The following DCC variants were observed in gnomAD, a reference collection of about 807,000 sequenced individuals.
DCC encodes netrin receptor DCC.
DCC carries 58 observed loss-of-function variants against 172.5 expected under a neutral mutation model. The observed-to-expected ratio is 0.34, with a 90% CI of 0.27 to 0.42. The LOEUF is 0.42. DCC is among the 10% of genes least tolerant of loss of function. DCC has a pLI of 1.00. For synonymous variants in DCC, 709 were observed against 644.5 expected, an observed-to-expected ratio of 1.10 and a Z score of -1.52; for missense variants, 1,740 against 1,791.0, an observed-to-expected ratio of 0.97 and a Z score of 0.51.
intron 15 of DCC, among the ~76,000 whole-genome samples, chr18:53,375,949 T>C (rs1023276427): frequency 6.6e-6 from 1 of 152,096 alleles, no homozygotes; most frequent in African/African-American, 2.4e-5. Flanking sequence ...GGAGAAAACC[T>C]GAACTTAAAA....
intron 5 of DCC, chr18:52,941,303 G>A (rs1179813407): frequency 6.6e-6 from 1 of 152,076 alleles, no homozygotes. Flanking sequence ...TATGGAAGAT[G>A]AGATTCCAAA....
intron 28 of DCC, among the ~76,000 whole-genome samples, chr18:53,529,803 A>G (rs2144633499): frequency 6.6e-6 from 1 of 152,324 alleles, no homozygotes; most frequent in East Asian, 1.9e-4. Flanking sequence ...GTAACTAGTA[A>G]TTCTATTACT....
rs578248723 is a variant in DCC, at chr18:53,218,397, G to A, written c.1911+2800G>A. Among the ~76,000 whole-genome samples the A allele has an allele frequency of 1.2e-4, 19 of 152,142 alleles. 1 individual carries two copies. Among genetic ancestry groups the A allele is most frequent in the South Asian group, 2.1e-4 (1 of 4,824 alleles). Reference sequence around the variant, plus strand: ...GTACTCGTTAAGGTTTTGGTCACCCGTAAGCCAGTTGGACCCAGAAATCAT... The same window carrying A: ...GTACTCGTTAAGGTTTTGGTCACCCATAAGCCAGTTGGACCCAGAAATCAT... On this transcript the variant is annotated intron_variant, in intron 12 of 28. Transcript: ENST00000442544.
intron 26 of DCC, among the ~76,000 whole-genome samples, chr18:53,491,258 G>A (rs919202624): frequency 6.6e-6 from 1 of 152,078 alleles, no homozygotes; most frequent in Non-Finnish European, 1.5e-5. Context: ...ATTCAGTGGC[G>A]TAATCAGAAT....
chr18:52,904,183 A>G (rs573413232), intron 2 of DCC, among the ~76,000 whole-genome samples: 137 of 152,336 alleles, frequency 9.0e-4, no homozygotes, highest in African/African-American at 3.1e-3. Context: ...ATTTGCATCA[A>G]TATTAAGGTT....
rs142981576 is a variant in DCC at position 52,812,052 on chromosome 18, G to A, written c.412+59678G>A. Among the ~76,000 whole-genome samples, 306 of 152,314 alleles carry A rather than the reference G, an allele frequency of 2.0e-3. 3 individuals are homozygous for A. The East Asian group carries it at 0.024, about 12-fold the overall frequency. On this transcript the variant is annotated intron_variant, in intron 2 of 28. Coordinates refer to ENST00000442544, the MANE Select transcript of DCC (RefSeq NM_005215.4). ...CCAGCATGGTCCATGAAAGTGGTTTGAGAAGAAAAATAATCTGGTTTTCAT... is the reference window on the plus strand; with the variant it reads ...CCAGCATGGTCCATGAAAGTGGTTTAAGAAGAAAAATAATCTGGTTTTCAT...
At chr18:53,001,167 C>A (rs552666789) in intron 5 of DCC, among the ~76,000 whole-genome samples, 94 of 152,030 alleles carry the variant, frequency 6.2e-4, no homozygotes, top group Non-Finnish European at 6.9e-4. Context: ...ATTAATCACG[C>A]TTTTATCCCT....
At chr18:53,121,143 T>C (rs2043477986) in intron 7 of DCC, among the ~76,000 whole-genome samples, 1 of 151,872 alleles carries the variant, frequency 6.6e-6, no homozygotes, top group Non-Finnish European at 1.5e-5. Flanking sequence ...GTTCATTTGT[T>C]CTATCCATGA....
At chr18:53,330,821 T>C (rs1032960705) in intron 14 of DCC, among the ~76,000 whole-genome samples, 2 of 152,250 alleles carry the variant, frequency 1.3e-5, no homozygotes, top group Admixed American at 1.3e-4. Flanking sequence ...TTCTCTTATC[T>C]GAGTTTCACT....
chr18:53,526,601 G>GTGTT lies in DCC; in HGVS notation c.4112-14_4112-11dup. On this transcript the variant is annotated splice_polypyrimidine_tract_variant and intron_variant, in intron 27 of 28. Coordinates refer to ENST00000442544, the MANE Select transcript of DCC (RefSeq NM_005215.4). ...TGTTTTCTACATTACTTTCATCACT[G>GTGTT]TGTTTTCTATTTCAGGGCCCACTCT... 6.2e-7 allele frequency: 1 copy of GTGTT among 1,612,902 alleles called. No individual in the cohort carries two copies. The highest frequency in any genetic ancestry group is 8.5e-7 in the Non-Finnish European group (1 of 1,179,174).
chr18:52,964,062 A>G (rs966808257), intron 5 of DCC, among the ~76,000 whole-genome samples: 22 of 152,156 alleles, frequency 1.4e-4, no homozygotes, highest in African/African-American at 3.4e-4. Flanking sequence ...TCTTGATATG[A>G]TATGATAAGT....
intron 15 of DCC, among the ~76,000 whole-genome samples, chr18:53,378,016 C>G (rs1463563719): frequency 6.6e-6 from 1 of 152,078 alleles, no homozygotes; most frequent in Non-Finnish European, 1.5e-5. Flanking sequence ...TGCTGGAGTG[C>G]AGTGGCGCAA....
intron 15 of DCC, among the ~76,000 whole-genome samples, chr18:53,357,068 C>T (rs1251983765): frequency 6.6e-6 from 1 of 152,134 alleles, no homozygotes; most frequent in South Asian, 2.1e-4. Flanking sequence ...GGGATACATC[C>T]ACTCCCTATT....
chr18:52,559,432 T>C (rs2032988392), intron 1 of DCC, among the ~76,000 whole-genome samples: 2 of 152,194 alleles, frequency 1.3e-5, no homozygotes, highest in Non-Finnish European at 2.9e-5. Context: ...ATTTGAAATA[T>C]ATAATTCCAT....
rs1568126851 is a variant in DCC, at chr18:53,428,961, AT to A, written c.3164-6179del. 4.4e-4 allele frequency among the ~76,000 whole-genome samples: 14 copies of A among 32,030 alleles called. 6 individuals carry two copies. The highest frequency in any genetic ancestry group is 1.1e-3 in the Non-Finnish European group (12 of 10,610). 21.0% of individuals were successfully genotyped at this position (32,030 alleles called of 152,430 possible). A position where few individuals can be genotyped will look rare whatever the true frequency, so the allele number is the denominator to read the frequency against. Reference sequence around the variant, plus strand: ...TAATAAATTATATATAACATATTATATTTTATATATAACATATATATATTTT... The same window carrying A: ...TAATAAATTATATATAACATATTATATTTATATATAACATATATATATTTT... On this transcript the variant is annotated intron_variant, in intron 21 of 28. Coordinates refer to ENST00000442544, the MANE Select transcript of DCC (RefSeq NM_005215.4).
intron 1 of DCC, among the ~76,000 whole-genome samples, chr18:52,746,739 G>A (rs1343610404): frequency 2.0e-5 from 3 of 151,302 alleles, no homozygotes; most frequent in Non-Finnish European, 4.4e-5. Context: ...AACTTGAAAT[G>A]TCTTTGGCAA....
At chr18:53,211,666 G>A (rs1276893996) in intron 11 of DCC, among the ~76,000 whole-genome samples, 1 of 152,164 alleles carries the variant, frequency 6.6e-6, no homozygotes, top group Non-Finnish European at 1.5e-5. Context: ...GGAGCTTGCA[G>A]TGAGCCGAGA....
At chr18:52,359,540 C>G (rs750279522) in intron 1 of DCC, among the ~76,000 whole-genome samples, 2 of 152,126 alleles carry the variant, frequency 1.3e-5, no homozygotes, top group Non-Finnish European at 2.9e-5. Context: ...ATTACCACCC[C>G]CTTCCTCCTT....
intron 7 of DCC, among the ~76,000 whole-genome samples, chr18:53,084,961 G>A (rs893406373): frequency 6.6e-6 from 1 of 152,138 alleles, no homozygotes; most frequent in African/African-American, 2.4e-5. Flanking sequence ...ATTGCCAAGG[G>A]ACTTTGTCTT....
Sources: gnomAD v4.1 joint callset for allele counts (sites outside exome capture counted in the v4.1 genomes callset) on GRCh38, gnomAD v4.1.1 for gene constraint, MANE v1.5 for transcripts, NCBI Gene and HGNC (gene_info 2026-07-23, HGNC 2026-07-21) for gene names.